Variants in GALNT18 observed in about 807,000 individuals in gnomAD.
The protein encoded by GALNT18 is GalNAc-transferase 18.
A neutral mutation model predicts 69.5 loss-of-function variants in GALNT18; 44 were observed. The ratio of observed to expected loss-of-function variants is 0.63; its 90% CI spans 0.50 to 0.81. GALNT18 has a LOEUF of 0.81. Ranked by LOEUF, GALNT18 falls within the 40% of genes least tolerant of loss-of-function variation. GALNT18 has a pLI of 0.00. For synonymous variants in GALNT18, 364 were observed against 318.2 expected, an observed-to-expected ratio of 1.14 and a Z score of -1.53; for missense variants, 715 against 810.0, an observed-to-expected ratio of 0.88 and a Z score of 1.42.
chr11:11,373,054 A>T (rs1284037933), intron 5 of GALNT18, among the ~76,000 whole-genome samples: 19 of 152,182 alleles, frequency 1.2e-4, no homozygotes, highest in Admixed American at 1.2e-3. Flanking sequence ...ACTTAGAAAG[A>T]TTAGCTGGGA....
At chr11:11,612,653 C>T (rs754685029) in intron 1 of GALNT18, among the ~76,000 whole-genome samples, 8 of 152,212 alleles carry the variant, frequency 5.3e-5, no homozygotes, top group Non-Finnish European at 7.3e-5. Context: ...GTCAGACTGG[C>T]GAAGCCCAAC....
intron 1 of GALNT18, among the ~76,000 whole-genome samples, chr11:11,479,007 G>C (rs1430692232): frequency 1.3e-5 from 2 of 152,202 alleles, no homozygotes; most frequent in Non-Finnish European, 2.9e-5. Flanking sequence ...TCCACCTTCT[G>C]CCAATGGCCC....
chr11:11,278,523 G>GAGAT (rs1372983074), intron 10 of GALNT18, among the ~76,000 whole-genome samples: 5 of 151,960 alleles, frequency 3.3e-5, no homozygotes, highest in Admixed American at 3.3e-4. Context: ...AAAAAAAAGG[G>GAGAT]AGATTGTTAT....
intron 1 of GALNT18, among the ~76,000 whole-genome samples, chr11:11,558,952 C>G (rs1858397694): frequency 6.6e-6 from 1 of 152,248 alleles, no homozygotes; most frequent in Non-Finnish European, 1.5e-5. Context: ...CTGCACAGCA[C>G]AGGAGTGAGC....
intron 9 of GALNT18, among the ~76,000 whole-genome samples, chr11:11,321,033 T>G (rs1055143566): frequency 3.9e-5 from 6 of 152,140 alleles, no homozygotes; most frequent in African/African-American, 7.2e-5. Context: ...GACCCAACCC[T>G]TTGAGACTTG....
At chr11:11,425,142 G>A (rs1855098791) in intron 3 of GALNT18, among the ~76,000 whole-genome samples, 1 of 152,244 alleles carries the variant, frequency 6.6e-6, no homozygotes, top group Non-Finnish European at 1.5e-5. Flanking sequence ...ATCTGACACT[G>A]TTGTTGGGAG....
chr11:11,520,149 C>T (rs11021890), intron 1 of GALNT18, among the ~76,000 whole-genome samples: 35,578 of 152,200 alleles, frequency 0.23, 4,564 homozygotes, highest in Non-Finnish European at 0.25. Context: ...AAGCTTGTAG[C>T]GCTTACTGCA....
Position 11,356,231 on chromosome 11 carries a change from A to C in GALNT18, c.1093-15227T>G, listed in dbSNP as rs1335878285. ...AGGAAAACCACAGCAGTGTCAGAGG[A>C]GGAGGAGAAGGAACCCTTGCTCAGT... On this transcript the variant is annotated intron_variant, in intron 6 of 10. Transcript: ENST00000227756. This position sits in a 1 kb window ranked among gnomAD's most constrained non-coding sequence, Gnocchi z 4.4. 6.6e-6 allele frequency among the ~76,000 whole-genome samples: 1 copy of C among 152,208 alleles called. No homozygotes were observed. Among genetic ancestry groups the C allele is most frequent in the East Asian group, 1.9e-4 (1 of 5,194 alleles).
In GALNT18 at chr11:11,538,081, T is replaced by C. The variant is rs1203250181; in HGVS notation, c.235+83278A>G. Among the ~76,000 whole-genome samples, 1 of 152,244 alleles carries C rather than the reference T, an allele frequency of 6.6e-6. No homozygotes were observed. Among genetic ancestry groups the C allele is most frequent in the East Asian group, 1.9e-4 (1 of 5,196 alleles). On this transcript the variant is annotated intron_variant, in intron 1 of 10. Transcript: ENST00000227756. The surrounding 1 kb of genome is among the most constrained non-coding windows in gnomAD (Gnocchi z 5.2). ...TACTAATCTTATTTATGTTAACTCTTATCACACCTCTGTGCTGGAGTTATC... is the reference window on the plus strand; with the variant it reads ...TACTAATCTTATTTATGTTAACTCTCATCACACCTCTGTGCTGGAGTTATC...
intron 9 of GALNT18, among the ~76,000 whole-genome samples, chr11:11,294,384 G>T (rs977346294): frequency 6.6e-6 from 1 of 152,164 alleles, no homozygotes; most frequent in Non-Finnish European, 1.5e-5. Context: ...GAAGGAAAGT[G>T]GGTGGTAAAC....
At chr11:11,589,136 C>T (rs1268843700) in intron 1 of GALNT18, among the ~76,000 whole-genome samples, 1 of 152,118 alleles carries the variant, frequency 6.6e-6, no homozygotes, top group Admixed American at 6.5e-5. Context: ...AGCTCTCTGC[C>T]CCTCCCCCTG....
intron 1 of GALNT18, among the ~76,000 whole-genome samples, chr11:11,565,835 C>A (rs1436585197): frequency 6.6e-6 from 1 of 152,166 alleles, no homozygotes; most frequent in Admixed American, 6.5e-5. Flanking sequence ...GTCTTGAGAA[C>A]AGGAAGTTAA....
chr11:11,399,267 CA>C (rs1254120423), intron 3 of GALNT18, among the ~76,000 whole-genome samples: 3 of 152,164 alleles, frequency 2.0e-5, no homozygotes, highest in Admixed American at 1.3e-4. Flanking sequence ...ACCCTGATCA[CA>C]GAACCTCCAG....
chr11:11,460,219 C>T (rs898021153), intron 1 of GALNT18, among the ~76,000 whole-genome samples: 1 of 152,178 alleles, frequency 6.6e-6, no homozygotes, highest in Non-Finnish European at 1.5e-5. Context: ...TCACAGGTTC[C>T]AGGGATTAGG....
chr11:11,355,227 A>G (rs1432701940), intron 6 of GALNT18, among the ~76,000 whole-genome samples: 1 of 152,212 alleles, frequency 6.6e-6, no homozygotes, highest in Non-Finnish European at 1.5e-5. Context: ...TCTTTGTTGT[A>G]GGAGATGGGA....
At chr11:11,558,327 G>C (rs545333634) in intron 1 of GALNT18, among the ~76,000 whole-genome samples, 1 of 152,330 alleles carries the variant, frequency 6.6e-6, no homozygotes, top group African/African-American at 2.4e-5. Flanking sequence ...CCTTGTAATA[G>C]ATGCAATGGG....
chr11:11,533,699 A>G (rs1374112367), intron 1 of GALNT18, among the ~76,000 whole-genome samples: 1 of 152,246 alleles, frequency 6.6e-6, no homozygotes, highest in African/African-American at 2.4e-5. Context: ...CCTGCACTTT[A>G]AATAACTAAG....
In GALNT18 at chr11:11,538,750, A is replaced by C. The variant is rs1857841634; in HGVS notation, c.235+82609T>G. On this transcript the variant is annotated intron_variant, in intron 1 of 10. Coordinates refer to ENST00000227756, the MANE Select transcript of GALNT18 (RefSeq NM_198516.3). This position sits in a 1 kb window ranked among gnomAD's most constrained non-coding sequence, Gnocchi z 5.2. ...CTTTGGAAGGATTAAGTGAGGCGCCATCTGGGAAGCACCTGGCCCCAGGGC... is the reference window on the plus strand; with the variant it reads ...CTTTGGAAGGATTAAGTGAGGCGCCCTCTGGGAAGCACCTGGCCCCAGGGC... Among the ~76,000 whole-genome samples the C allele has an allele frequency of 6.6e-6, 1 of 152,122 alleles. No homozygotes were observed. The highest frequency in any genetic ancestry group is 2.1e-4 in the South Asian group (1 of 4,824).
At position 11,615,317 on chromosome 11, in the gene GALNT18, G is replaced by A. The variant is rs77682411; in HGVS notation, c.235+6042C>T. ...ACCATAAATGATTTGTAGTCATGGC[G>A]AACAACCTGCTGTTACTGACCTGGT... On this transcript the variant is annotated intron_variant, in intron 1 of 10. Transcript: ENST00000227756. Among the ~76,000 whole-genome samples the A allele has an allele frequency of 1.4e-3, 206 of 152,242 alleles. 9 individuals are homozygous for A. The East Asian group carries it at 0.037, about 27-fold the overall frequency.
Sources: gnomAD v4.1 joint callset for allele counts (sites outside exome capture counted in the v4.1 genomes callset) on GRCh38, gnomAD v4.1.1 for gene constraint, Gnocchi (gnomAD v3.1) non-coding constraint, MANE v1.5 for transcripts, NCBI Gene and HGNC (gene_info 2026-07-23, HGNC 2026-07-21) for gene names.